Variants in JAKMIP3 observed in about 807,000 individuals in gnomAD.
The protein encoded by JAKMIP3 is Janus kinase and microtubule interacting protein 3, also known as janus kinase and microtubule-interacting protein 3.
In JAKMIP3, 58 loss-of-function variants were observed where a neutral mutation model predicts 118.5. The observed-to-expected ratio is 0.49, with a 90% CI of 0.40 to 0.61. JAKMIP3 has a LOEUF of 0.61. JAKMIP3 is among the 20% of genes least tolerant of loss of function. The pLI is 0.00. For synonymous variants in JAKMIP3, 486 were observed against 451.2 expected (o/e 1.08, Z -0.98); for missense variants, 950 against 1,109.0 (o/e 0.86, Z 2.04).
At chr10:132,056,065 G>A (rs6560670) in intron 1 of JAKMIP3, among the ~76,000 whole-genome samples, 84,198 of 151,776 alleles carry the variant, frequency 0.55, 23,712 homozygotes, top group East Asian at 0.72. Flanking sequence ...TTTCCAGCCA[G>A]CATTGCCTGC....
chr10:132,098,022 CTTT>C (rs2134644518), intron 1 of JAKMIP3, among the ~76,000 whole-genome samples: 1 of 112,310 alleles, frequency 8.9e-6, no homozygotes, highest in South Asian at 3.3e-4. Flanking sequence ...TTTTTTTTTT[CTTT>C]CTTCTTTTTC....
intron 1 of JAKMIP3, among the ~76,000 whole-genome samples, chr10:132,077,030 C>T (rs1197645683): frequency 6.6e-6 from 1 of 152,156 alleles, no homozygotes; most frequent in Non-Finnish European, 1.5e-5. Context: ...CTGTGGTGGC[C>T]CCAGGTCTGT....
chr10:132,099,951 G>A (rs137933084), intron 1 of JAKMIP3, among the ~76,000 whole-genome samples: 6 of 152,336 alleles, frequency 3.9e-5, no homozygotes, highest in East Asian at 1.9e-4. Context: ...TTCACGCTGC[G>A]TTGCTGTGAT....
chr10:132,173,203 C>T (rs73399716), intron 23 of JAKMIP3, among the ~76,000 whole-genome samples: 4 of 19,330 alleles, frequency 2.1e-4, no homozygotes, highest in Admixed American at 6.3e-4. Context: ...TCTCTCCCCC[C>T]CTCCTTCCCT....
intron 6 of JAKMIP3, among the ~76,000 whole-genome samples, chr10:132,136,432 G>T (rs1481436421): frequency 2.6e-5 from 4 of 152,220 alleles, no homozygotes; most frequent in Non-Finnish European, 5.9e-5. Context: ...GGGAGGAGAG[G>T]AGGCCTGGCA....
At chr10:132,078,013 T>C (rs577096762) in intron 1 of JAKMIP3, among the ~76,000 whole-genome samples, 1 of 152,346 alleles carries the variant, frequency 6.6e-6, no homozygotes, top group East Asian at 1.9e-4. Context: ...GGTTTCACTA[T>C]GTTGGCCAGG....
chr10:132,120,018 A>T (rs2048290484), intron 3 of JAKMIP3, among the ~76,000 whole-genome samples: 1 of 152,124 alleles, frequency 6.6e-6, no homozygotes, highest in African/African-American at 2.4e-5. Context: ...TCCAAGTTTA[A>T]CTTTTCTTTC....
intron 21 of JAKMIP3, among the ~76,000 whole-genome samples, chr10:132,166,283 G>C (rs776416680): frequency 6.6e-6 from 1 of 152,138 alleles, no homozygotes; most frequent in Admixed American, 6.5e-5. Context: ...CCATGATTAC[G>C]TCACTGCACT....
intron 23 of JAKMIP3, among the ~76,000 whole-genome samples, chr10:132,177,108 T>G: frequency 6.6e-6 from 1 of 152,228 alleles, no homozygotes; most frequent in East Asian, 1.9e-4. Flanking sequence ...ATTGTCTAAT[T>G]TATTCTTTTC....
intron 1 of JAKMIP3, among the ~76,000 whole-genome samples, chr10:132,042,427 C>T (rs1238892248): frequency 6.6e-6 from 1 of 152,122 alleles, no homozygotes; most frequent in Admixed American, 6.5e-5. Context: ...ATGCTGGTCT[C>T]GAACTCCTGG....
At chr10:132,142,769 C>G (rs1178699131) in intron 11 of JAKMIP3, among the ~76,000 whole-genome samples, 1 of 152,162 alleles carries the variant, frequency 6.6e-6, no homozygotes, top group Non-Finnish European at 1.5e-5. Flanking sequence ...CACAGCGAGA[C>G]GGGCTGCTTT....
chr10:132,103,573 T>C (rs1186227319), intron 1 of JAKMIP3, among the ~76,000 whole-genome samples: 3 of 151,842 alleles, frequency 2.0e-5, no homozygotes, highest in Non-Finnish European at 2.9e-5. Flanking sequence ...AGAAGGAAAG[T>C]GTGAGGATCT....
rs370225510 is a variant in JAKMIP3 at position 132,118,593 on chromosome 10, C to T, written c.633+1019C>T. 6.6e-6 allele frequency among the ~76,000 whole-genome samples: 1 copy of T among 152,214 alleles called. No individual in the cohort carries two copies. Among genetic ancestry groups the T allele is most frequent in the South Asian group, 2.1e-4 (1 of 4,830 alleles). On this transcript the variant is annotated intron_variant, in intron 3 of 23. Coordinates refer to ENST00000684848, the MANE Select transcript of JAKMIP3 (RefSeq NM_001323087.2). The surrounding 1 kb of genome is among the most constrained non-coding windows in gnomAD (Gnocchi z 4.8). ...TGTGGAACTCCCAGAGAGGGGCAGC[C>T]GCTCTCCACACCCACAGCCAGGAAG...
chr10:132,137,636 C>T (rs978460166), intron 8 of JAKMIP3, among the ~76,000 whole-genome samples: 3 of 152,194 alleles, frequency 2.0e-5, no homozygotes, highest in Admixed American at 6.5e-5. Context: ...GACAGGCAGC[C>T]GCAGCCCAAG....
At position 132,058,944 on chromosome 10, in the gene JAKMIP3, C is replaced by T. The variant is rs535072132; in HGVS notation, c.-138+22206C>T. ...TCCTTGGTCATCCTTCGCATCGCGT[C>T]GCGCCCACGTGAGCCTGGCTGCCTG... On this transcript the variant is annotated intron_variant, in intron 1 of 23. Coordinates refer to the JAKMIP3 transcript ENST00000657785. Among the ~76,000 whole-genome samples, 14 of 152,354 alleles carry T rather than the reference C, an allele frequency of 9.2e-5. No individual in the cohort carries two copies. The South Asian group carries it at 2.3e-3, about 25-fold the overall frequency.
chr10:132,135,641 G>A (rs995553527), intron 5 of JAKMIP3, among the ~76,000 whole-genome samples: 4 of 152,242 alleles, frequency 2.6e-5, no homozygotes, highest in South Asian at 2.1e-4. Context: ...TCAATGGGAC[G>A]GGACTCACCC....
chr10:132,097,708 G>A (rs1433790463), intron 1 of JAKMIP3, among the ~76,000 whole-genome samples: 1 of 150,970 alleles, frequency 6.6e-6, no homozygotes, highest in Non-Finnish European at 1.5e-5. Context: ...TGTATATTCT[G>A]TCTTACAACT....
rs115461537 is a variant in JAKMIP3, at chr10:132,038,031, A to G, written c.-138+1293A>G. 2.1e-3 allele frequency among the ~76,000 whole-genome samples: 322 copies of G among 152,358 alleles called. 1 individual carries two copies. The highest frequency in any genetic ancestry group is 7.2e-3 in the African/African-American group (299 of 41,594). ...CTGGCAAGAAGCAACTTATGTAACA[A>G]CAAGTTATAGTTTGGAGTTCATTGA... On this transcript the variant is annotated intron_variant, in intron 1 of 23. Coordinates refer to the JAKMIP3 transcript ENST00000657785.
Position 132,164,068 on chromosome 10 carries a change from A to G in JAKMIP3, c.2425-602A>G, listed in dbSNP as rs151308906. On this transcript the variant is annotated intron_variant, in intron 20 of 23. Transcript: ENST00000684848. Reference sequence around the variant, plus strand: ...TCCTTGTTAAGAACACCACTAGCGAAGGCTTAGTTGAAATTCACATAAACA... The same window carrying G: ...TCCTTGTTAAGAACACCACTAGCGAGGGCTTAGTTGAAATTCACATAAACA... 2.5e-3 allele frequency among the ~76,000 whole-genome samples: 377 copies of G among 152,346 alleles called. 1 individual carries two copies. The highest frequency in any genetic ancestry group is 8.7e-3 in the African/African-American group (362 of 41,572).
Sources: allele counts gnomAD v4.1 joint callset (sites outside exome capture counted in the v4.1 genomes callset), GRCh38; gene constraint gnomAD v4.1.1; non-coding constraint Gnocchi (gnomAD v3.1); transcripts MANE v1.5; gene names NCBI Gene and HGNC (gene_info 2026-07-23, HGNC 2026-07-21).